Variants in CSNK2A1 observed in about 807,000 individuals in gnomAD.
CSNK2A1 encodes the protein casein kinase 2 alpha 1, also known as casein kinase II subunit alpha.
Under a neutral mutation model 62.9 loss-of-function variants are expected in CSNK2A1, and 10 were observed. That is an observed-to-expected ratio of 0.16 (90% CI 0.10 to 0.27). The LOEUF (loss-of-function observed/expected upper bound fraction) is 0.27. Ranked by LOEUF, CSNK2A1 falls within the 10% of genes least tolerant of loss-of-function variation. The probability of loss-of-function intolerance (pLI) is 1.00; values close to 1 mark genes in which losing one functional copy is unlikely to be tolerated. For missense variants in CSNK2A1, 160 were observed against 492.0 expected, an observed-to-expected ratio of 0.33 and a Z score of 6.38; for synonymous variants, 124 against 167.8, an observed-to-expected ratio of 0.74 and a Z score of 2.02.
At chr20:493,451 A>G (rs2018277525) in intron 8 of CSNK2A1, among the ~76,000 whole-genome samples, 1 of 152,170 alleles carries the variant, frequency 6.6e-6, no homozygotes, top group Admixed American at 6.5e-5. Flanking sequence ...AAAAATAAAT[A>G]TAAACAGCTT....
Position 478,834 on chromosome 20 carries a change from G to C in CSNK2A1, c.*5127C>G, listed in dbSNP as rs1007669605. 1 of 273,610 alleles carries C rather than the reference G, an allele frequency of 3.7e-6. No individual in the cohort carries two copies. The highest frequency in any genetic ancestry group is 7.3e-6 in the Non-Finnish European group (1 of 137,758). 16.9% of individuals were successfully genotyped at this position (273,610 alleles called of 1,614,324 possible). On this transcript the variant is annotated 3_prime_UTR_variant, in exon 14 of 14. Transcript: ENST00000217244. ...CTGTAGTCCCTGGAAGGCTGAGTTG[G>C]GAGGATCACCTGAGCCTGGGAGGTT...
chr20:501,865 A>G (rs1393048459), intron 4 of CSNK2A1: 1 of 152,238 alleles, frequency 6.6e-6, no homozygotes, highest in Non-Finnish European at 1.5e-5. Context: ...CACTAAATCA[A>G]AATCTTGAGA....
chr20:515,366 A>C (rs1010594978), intron 2 of CSNK2A1, among the ~76,000 whole-genome samples: 2 of 152,232 alleles, frequency 1.3e-5, no homozygotes, highest in Non-Finnish European at 1.5e-5. Flanking sequence ...TGAATCATTC[A>C]AACGAAGATT....
intron 7 of CSNK2A1, among the ~76,000 whole-genome samples, chr20:497,170 T>C (rs1301951470): frequency 6.6e-6 from 1 of 152,164 alleles, no homozygotes; most frequent in Non-Finnish European, 1.5e-5. Context: ...TATTTATGTA[T>C]TTAGAGACAG....
chr20:523,912 C>T (rs1740297798), intron 2 of CSNK2A1, among the ~76,000 whole-genome samples: 1 of 145,412 alleles, frequency 6.9e-6, no homozygotes, highest in Non-Finnish European at 1.5e-5. Flanking sequence ...ACAGTGGTTG[C>T]TAGAGATTAG....
At chr20:495,689 T>C (rs932560722) in intron 8 of CSNK2A1, 30 bp downstream of exon 8, 1 of 1,595,452 alleles carries the variant, frequency 6.3e-7, no homozygotes, top group African/African-American at 1.3e-5. Flanking sequence ...ATCATGTAGA[T>C]AAATAACACT....
Position 482,785 on chromosome 20 carries a change from C to T in CSNK2A1, c.*1176G>A, listed in dbSNP as rs921553707. 7 of 152,656 alleles carry T rather than the reference C, an allele frequency of 4.6e-5. No individual in the cohort carries two copies. Among genetic ancestry groups the T allele is most frequent in the African/African-American group, 1.4e-4 (6 of 41,442 alleles). 9.5% of individuals were successfully genotyped at this position (152,656 alleles called of 1,614,324 possible). ...GGACAAAGTATTATATATATACACA[C>T]AGCAAGGGGTGGCGGGGCTGTAACA... On this transcript the variant is annotated 3_prime_UTR_variant, in exon 14 of 14. Transcript: ENST00000217244.
chr20:486,587 A>C, intron 12 of CSNK2A1, 125 bp from the exon 13 acceptor site: 1 of 972,310 alleles, frequency 1.0e-6, no homozygotes, highest in Non-Finnish European at 1.4e-6. Flanking sequence ...TTCCCCAAAG[A>C]ACTTAAGGTG....
chr20:539,354 T>G (rs1229928486), intron 1 of CSNK2A1: 3 of 152,218 alleles, frequency 2.0e-5, no homozygotes, highest in Non-Finnish European at 4.4e-5. Flanking sequence ...GAGTTCCCAC[T>G]TCCTTGCTGG....
At chr20:485,093 AAAAAAAAAAAAAAAAAAT>A (rs2018052502) in intron 13 of CSNK2A1, among the ~76,000 whole-genome samples, 2 of 37,806 alleles carry the variant, frequency 5.3e-5, no homozygotes, top group Non-Finnish European at 1.0e-4. Context: ...AAAAAAAAAA[AAAAAAAAAAAAAAAAAAT>A]ATATATATAT....
intron 13 of CSNK2A1, 65 bp downstream of exon 13, chr20:486,311 C>G: frequency 6.3e-7 from 1 of 1,587,448 alleles, no homozygotes; most frequent in Non-Finnish European, 8.6e-7. Flanking sequence ...AGAAATCAGA[C>G]CACAAAGCTA....
intron 9 of CSNK2A1, among the ~76,000 whole-genome samples, chr20:490,799 G>A (rs765190957): frequency 5.4e-5 from 8 of 148,184 alleles, no homozygotes; most frequent in Non-Finnish European, 8.9e-5. Flanking sequence ...TCCAACTCCT[G>A]GGCTTAGGCC....
intron 3 of CSNK2A1, chr20:506,529 C>CTG (rs1472362347): frequency 1.3e-5 from 2 of 152,188 alleles, no homozygotes; most frequent in African/African-American, 4.8e-5. Flanking sequence ...CCTCCTGCCC[C>CTG]TGCCTGCTTC....
At position 504,711 on chromosome 20, in the gene CSNK2A1, C is replaced by T. The variant is rs916271290; in HGVS notation, c.213+407G>A. The T allele has an allele frequency of 4.1e-5, 7 of 169,284 alleles. No homozygotes were observed. The East Asian group carries it at 6.5e-4, about 16-fold the overall frequency. The allele number at this position is 169,284 out of a possible 1,614,324, so 10.5% of individuals were successfully genotyped here. ...TCACCTAAGCAAGGGCAATTACACC[C>T]GACTAGCTGCACTAATATCATCTGT... On this transcript the variant is annotated intron_variant, in intron 4 of 13. Transcript: ENST00000217244.
intron 13 of CSNK2A1, among the ~76,000 whole-genome samples, chr20:485,115 T>TA (rs1568496757): frequency 2.0e-5 from 1 of 49,012 alleles, no homozygotes; most frequent in African/African-American, 9.0e-5. Flanking sequence ...AAAAAATATA[T>TA]ATATATATAT....
chr20:541,122 T>C (rs1679150733), intron 1 of CSNK2A1: 1 of 152,264 alleles, frequency 6.6e-6, no homozygotes, highest in South Asian at 2.1e-4. Context: ...AATGGAGTCC[T>C]TCTCATGCTT....
rs138287291 is a variant in CSNK2A1, at chr20:532,330, A to ATT, written c.-226-4283_-226-4282dup. On this transcript the variant is annotated intron_variant, in intron 1 of 13. Coordinates refer to ENST00000217244, the MANE Select transcript of CSNK2A1 (RefSeq NM_177559.3). Reference sequence around the variant, plus strand: ...AGGCAAGCGCCACCATGCCCGGCTAATTTTTTTTTTTTTTTTTTTTTGTAT... The same window carrying ATT: ...AGGCAAGCGCCACCATGCCCGGCTAATTTTTTTTTTTTTTTTTTTTTTTGTAT... 6.2e-3 allele frequency among the ~76,000 whole-genome samples: 752 copies of ATT among 121,972 alleles called. 8 individuals are homozygous for ATT. Among genetic ancestry groups the ATT allele is most frequent in the African/African-American group, 0.023 (702 of 29,948 alleles). The allele number at this position is 121,972 out of a possible 152,430, so 80.0% of individuals were successfully genotyped here.
chr20:523,783 C>CG (rs1037282695), intron 2 of CSNK2A1, among the ~76,000 whole-genome samples: 1 of 136,646 alleles, frequency 7.3e-6, no homozygotes, highest in Non-Finnish European at 1.5e-5. Flanking sequence ...CCCAACTACT[C>CG]GGGAGGCTGA....
Position 541,807 on chromosome 20 carries a change from T to G in CSNK2A1, c.-227+1865A>C, listed in dbSNP as rs1356265039. On this transcript the variant is annotated intron_variant, in intron 1 of 13. Coordinates refer to ENST00000217244, the MANE Select transcript of CSNK2A1 (RefSeq NM_177559.3). ...CCTAACTGTATAATCAGTTGATTAATCAATCTAAGCAAATTTCCAATCTTG... is the reference window on the plus strand; with the variant it reads ...CCTAACTGTATAATCAGTTGATTAAGCAATCTAAGCAAATTTCCAATCTTG... Among the ~76,000 whole-genome samples, 2 of 152,218 alleles carry G rather than the reference T, an allele frequency of 1.3e-5. 1 individual carries two copies. Among genetic ancestry groups the G allele is most frequent in the African/African-American group, 4.8e-5 (2 of 41,454 alleles).
Sources: gnomAD v4.1 joint callset for allele counts (sites outside exome capture counted in the v4.1 genomes callset) on GRCh38, gnomAD v4.1.1 for gene constraint, MANE v1.5 for transcripts, NCBI Gene and HGNC (gene_info 2026-07-23, HGNC 2026-07-21) for gene names.